LOC128125822: variants seen among roughly 807,000 people sequenced by gnomAD.
the LOC128125822 span, chr6:63,572,730 GTCGCA>G: frequency 2.0e-5 from 8 of 398,338 alleles, no homozygotes; most frequent in Admixed American, 4.4e-5. Context: ...GTGAGTAGCC[GTCGCA>G]TCGTCGCCTC....
the LOC128125822 span, chr6:63,581,978 G>A: frequency 5.9e-5 from 9 of 151,984 alleles, no homozygotes; most frequent in Non-Finnish European, 5.9e-5. Context: ...AAATGTAAAG[G>A]ACTCAAAGTT....
chr6:63,575,502 A>G, the LOC128125822 span, among the ~76,000 whole-genome samples: 1 of 152,192 alleles, frequency 6.6e-6, no homozygotes, highest in Non-Finnish European at 1.5e-5. Context: ...GAACTTAGAG[A>G]AAATATAAAT....
the LOC128125822 span, among the ~76,000 whole-genome samples, chr6:63,576,162 A>G: frequency 6.6e-6 from 1 of 151,082 alleles, no homozygotes; most frequent in Non-Finnish European, 1.5e-5. Flanking sequence ...TATGAATTTC[A>G]CAAAAATGTA....
the LOC128125822 span, chr6:63,581,284 A>G: frequency 6.6e-6 from 1 of 152,568 alleles, no homozygotes; most frequent in Non-Finnish European, 1.5e-5. Context: ...TTATTATGTA[A>G]TTGATAAAAT....
chr6:63,578,413 T>A, the LOC128125822 span: 1 of 1,596,016 alleles, frequency 6.3e-7, no homozygotes, highest in South Asian at 1.1e-5. Flanking sequence ...ACATTAAGAT[T>A]TTTTTAATGT....
At chr6:63,575,839 AGATTCTAAATATAG>A in the LOC128125822 span, among the ~76,000 whole-genome samples, 1 of 152,120 alleles carries the variant, frequency 6.6e-6, no homozygotes, top group African/African-American at 2.4e-5. Flanking sequence ...GGATAAAGTG[AGATTCTAAATATAG>A]GACTTAAATC....
At chr6:63,579,122 T>C in the LOC128125822 span, 7 of 1,383,112 alleles carry the variant, frequency 5.1e-6, no homozygotes, top group African/African-American at 3.0e-5. Context: ...TAATATAAAG[T>C]CAACATTTGT....
At chr6:63,583,471 G>C in the LOC128125822 span, 1 of 152,176 alleles carries the variant, frequency 6.6e-6, no homozygotes, top group Non-Finnish European at 1.5e-5. Context: ...ACTTGTATTT[G>C]CCTTCAATGA....
At chr6:63,582,655 C>G in the LOC128125822 span, 4 of 152,180 alleles carry the variant, frequency 2.6e-5, no homozygotes, top group African/African-American at 9.7e-5. Flanking sequence ...TAAATAGAGG[C>G]TAGCTACCTA....
At chr6:63,575,265 A>C in the LOC128125822 span, among the ~76,000 whole-genome samples, 17 of 152,334 alleles carry the variant, frequency 1.1e-4, no homozygotes, top group East Asian at 3.1e-3. Context: ...ATGAGAGTAC[A>C]CATGAAGTGC....
the LOC128125822 span, chr6:63,582,220 G>A: frequency 6.7e-6 from 1 of 150,136 alleles, no homozygotes; most frequent in Non-Finnish European, 1.5e-5. Context: ...ATGCAGCCTA[G>A]TCTTGAGAAC....
the LOC128125822 span, chr6:63,579,919 T>C: frequency 2.4e-4 from 158 of 666,732 alleles, no homozygotes; most frequent in South Asian, 7.3e-4. Context: ...CCTGTTCATA[T>C]TCCTTTCTGC....
chr6:63,575,483 C>T, the LOC128125822 span, among the ~76,000 whole-genome samples: 1 of 152,152 alleles, frequency 6.6e-6, no homozygotes, highest in South Asian at 2.1e-4. Flanking sequence ...TGGTTTAGTT[C>T]TTAAGGGGGA....
At chr6:63,578,758 T>C in the LOC128125822 span, 1 of 1,121,396 alleles carries the variant, frequency 8.9e-7, no homozygotes, top group Non-Finnish European at 1.2e-6. Context: ...TCACATTTGG[T>C]AGACAACAGG....
chr6:63,579,995 A>G, the LOC128125822 span: 7 of 1,223,190 alleles, frequency 5.7e-6, no homozygotes, highest in South Asian at 8.8e-5. Context: ...TGTCTATAAG[A>G]CACTAAATAT....
At chr6:63,583,234 AAAGTT>A in the LOC128125822 span, 2 of 152,346 alleles carry the variant, frequency 1.3e-5, no homozygotes, top group East Asian at 1.9e-4. Flanking sequence ...AAGTTATTTC[AAAGTT>A]AAGTTTTAAA....
At chr6:63,574,568 T>G in the LOC128125822 span, among the ~76,000 whole-genome samples, 30 of 152,186 alleles carry the variant, frequency 2.0e-4, no homozygotes, top group African/African-American at 6.8e-4. Flanking sequence ...TGCTTCCTGA[T>G]GAAAGTGCTT....
chr6:63,573,812 C>T, the LOC128125822 span, among the ~76,000 whole-genome samples: 4 of 152,184 alleles, frequency 2.6e-5, no homozygotes, highest in South Asian at 6.2e-4. Flanking sequence ...GTTACACTGA[C>T]GCGAAGGACT....
the LOC128125822 span, chr6:63,572,858 C>T: frequency 2.5e-6 from 1 of 392,162 alleles, no homozygotes; most frequent in Non-Finnish European, 4.5e-6. Flanking sequence ...CGGGTGGGAG[C>T]GGGCGGGTTA....
Sources: allele counts gnomAD v4.1 joint callset (sites outside exome capture counted in the v4.1 genomes callset), GRCh38; gene constraint gnomAD v4.1.1; transcripts MANE v1.5.